The following CYSLTR2 variants were observed in gnomAD, a reference collection of about 807,000 sequenced individuals.
The protein encoded by CYSLTR2 is G-protein coupled receptor GPCR21.
For synonymous variants in CYSLTR2, 179 were observed against 160.8 expected (o/e 1.11, Z -0.86); for missense variants, 398 against 411.9 (o/e 0.97, Z 0.29).
Position 48,707,580 on chromosome 13 carries a change from ATCT to A in CYSLTR2, c.771_773del (p.Phe257del), listed in dbSNP as rs774050943. The A allele has an allele frequency of 1.2e-5, 19 of 1,609,580 alleles. No individual in the cohort carries two copies. In the Middle Eastern group the frequency reaches 6.6e-4, roughly 56 times the overall value. ...GACCACCATCATCATCACCTTGATCATCTTCTTCTTGTGTTTCCTGCCCTATCA... is the reference window on the plus strand; with the variant it reads ...GACCACCATCATCATCACCTTGATCATCTTCTTGTGTTTCCTGCCCTATCA... On this transcript the variant is annotated inframe_deletion, in exon 5 of 5. Coordinates refer to ENST00000682523, the MANE Select transcript of CYSLTR2 (RefSeq NM_001308476.3).
chr13:48,663,176 T>C (rs1953173151), intron 1 of CYSLTR2, among the ~76,000 whole-genome samples: 1 of 150,992 alleles, frequency 6.6e-6, no homozygotes, highest in Admixed American at 6.6e-5. Context: ...AATTTCTGGA[T>C]TCTCTATTCT....
chr13:48,670,952 C>A (rs1336080002), intron 1 of CYSLTR2, among the ~76,000 whole-genome samples: 11 of 152,032 alleles, frequency 7.2e-5, no homozygotes, highest in Non-Finnish European at 1.6e-4. Flanking sequence ...CTCTTATTTC[C>A]TTGAGCAGTG....
intron 1 of CYSLTR2, among the ~76,000 whole-genome samples, chr13:48,676,964 G>A (rs753253302): frequency 6.6e-6 from 1 of 152,200 alleles, no homozygotes; most frequent in Admixed American, 6.6e-5. Context: ...ACAGTGCAAA[G>A]TTTCCATGGT....
At chr13:48,704,713 A>G (rs1041502036) in intron 4 of CYSLTR2, among the ~76,000 whole-genome samples, 56 of 152,112 alleles carry the variant, frequency 3.7e-4, no homozygotes, top group African/African-American at 1.3e-3. Context: ...TGGATTATTC[A>G]GAAGTGTGTT....
At chr13:48,663,697 G>T (rs541548545) in intron 1 of CYSLTR2, among the ~76,000 whole-genome samples, 4 of 152,038 alleles carry the variant, frequency 2.6e-5, no homozygotes, top group African/African-American at 9.6e-5. Context: ...TTTGTTTCCT[G>T]CAACTTTATT....
In CYSLTR2 at chr13:48,671,590, C is replaced by T. The variant is rs113336960; in HGVS notation, c.-266+17573C>T. On this transcript the variant is annotated intron_variant, in intron 1 of 4. Coordinates refer to ENST00000682523, the MANE Select transcript of CYSLTR2 (RefSeq NM_001308476.3). The stretch of plus-strand genomic sequence containing the variant: ...GTGATGAATTATGTTTATTGATTTG[C>T]GTATGTTGAACCAGCCTTGCATTCC... Among the ~76,000 whole-genome samples, 996 of 152,192 alleles carry T rather than the reference C, an allele frequency of 6.5e-3. 13 individuals are homozygous for T. The highest frequency in any genetic ancestry group is 0.021 in the African/African-American group (872 of 41,524).
chr13:48,688,277 T>A (rs796320593), intron 1 of CYSLTR2, among the ~76,000 whole-genome samples: 30 of 152,252 alleles, frequency 2.0e-4, no homozygotes, highest in Admixed American at 5.9e-4. Context: ...TCTTTTTTTT[T>A]AATTATACTT....
chr13:48,693,110 T>A (rs1346305896), intron 2 of CYSLTR2, among the ~76,000 whole-genome samples: 2 of 151,616 alleles, frequency 1.3e-5, no homozygotes, highest in African/African-American at 4.8e-5. Flanking sequence ...TAATACAATT[T>A]TATATATATT....
At chr13:48,681,580 C>T (rs77031935) in intron 1 of CYSLTR2, among the ~76,000 whole-genome samples, 24,687 of 152,146 alleles carry the variant, frequency 0.16, 2,128 homozygotes, top group Middle Eastern at 0.29. Context: ...TACCTGCTCC[C>T]CTCAAATCCA....
chr13:48,707,837 G>A lies in CYSLTR2; in HGVS notation c.1020G>A (p.Leu340=). The part of the protein sequence containing the change: ...TKCVFPVSVW[L]RKETRV ...GTGTTTTCCCTGTTAGTGTGTGGTT[G>A]AGAAAGGAAACAAGAGTATAAGGAG... is the stretch of plus-strand genomic sequence containing the variant. The change falls in exon 5 of 5, where the codon TTG becomes TTA. Residue 340 remains leucine (L), a synonymous_variant. Coordinates refer to ENST00000682523, the MANE Select transcript of CYSLTR2 (RefSeq NM_001308476.3). 6.5e-7 allele frequency: 1 copy of A among 1,527,072 alleles called. No individual in the cohort carries two copies. Among genetic ancestry groups the A allele is most frequent in the Non-Finnish European group, 8.8e-7 (1 of 1,139,492 alleles). The allele number at this position is 1,527,072 out of a possible 1,614,324, so 94.6% of individuals were successfully genotyped here.
At chr13:48,656,901 G>T (rs1200670101) in intron 1 of CYSLTR2, among the ~76,000 whole-genome samples, 2 of 152,172 alleles carry the variant, frequency 1.3e-5, no homozygotes, top group Non-Finnish European at 2.9e-5. Flanking sequence ...GGTGCTCAGC[G>T]TTGCTAGAGA....
intron 1 of CYSLTR2, among the ~76,000 whole-genome samples, chr13:48,654,646 G>C (rs555319652): frequency 3.6e-4 from 55 of 152,168 alleles, no homozygotes; most frequent in Non-Finnish European, 7.1e-4. Flanking sequence ...CAATGAGAAT[G>C]AAAGAGTATG....
chr13:48,661,118 T>A lies in CYSLTR2; in HGVS notation c.-266+7101T>A, dbSNP rs141224717. On this transcript the variant is annotated intron_variant, in intron 1 of 4. Transcript: ENST00000682523. ...ATTTATTTAAATTAATCTTTTTTTT[T>A]AATTTTTCTTTTTTATTGAGACAGT... 3.0e-3 allele frequency among the ~76,000 whole-genome samples: 457 copies of A among 152,174 alleles called. 3 individuals carry two copies. Among genetic ancestry groups the A allele is most frequent in the African/African-American group, 9.8e-3 (408 of 41,534 alleles).
At chr13:48,706,645 A>C (rs1954495777) in intron 4 of CYSLTR2, 172 bp from the exon 5 acceptor site, 1 of 567,254 alleles carries the variant, frequency 1.8e-6, no homozygotes, top group Non-Finnish European at 3.1e-6. Context: ...TTATTATGAA[A>C]TGTAATGCAG....
chr13:48,674,407 G>A (rs983958331), intron 1 of CYSLTR2, among the ~76,000 whole-genome samples: 16 of 151,894 alleles, frequency 1.1e-4, no homozygotes, highest in Admixed American at 7.9e-4. Flanking sequence ...CCATTTGATC[G>A]ATTCTGCTAT....
intron 1 of CYSLTR2, among the ~76,000 whole-genome samples, chr13:48,668,948 T>C (rs1953344111): frequency 6.6e-6 from 1 of 152,218 alleles, no homozygotes; most frequent in South Asian, 2.1e-4. Flanking sequence ...CTCATTCTTT[T>C]TTATGGCTGC....
intron 1 of CYSLTR2, among the ~76,000 whole-genome samples, chr13:48,680,797 TTTC>T (rs568000051): frequency 0.028 from 1,965 of 69,878 alleles, 36 homozygotes; most frequent in African/African-American, 0.091. Context: ...TTTCTTTTCT[TTTC>T]TTTTTTTTTT....
intron 1 of CYSLTR2, among the ~76,000 whole-genome samples, chr13:48,660,177 G>A (rs1056652211): frequency 2.6e-5 from 4 of 152,156 alleles, no homozygotes; most frequent in Non-Finnish European, 5.9e-5. Flanking sequence ...ACAGAGGTGG[G>A]AAGAAGGAGG....
At chr13:48,700,857 TAATAA>T (rs1278890989) in intron 4 of CYSLTR2, among the ~76,000 whole-genome samples, 6 of 152,260 alleles carry the variant, frequency 3.9e-5, no homozygotes, top group South Asian at 2.1e-4. Context: ...TCCTATATGC[TAATAA>T]CAGACAAACA....
Sources: gnomAD v4.1 joint callset for allele counts (sites outside exome capture counted in the v4.1 genomes callset) on GRCh38, gnomAD v4.1.1 for gene constraint, MANE v1.5 for transcripts, NCBI Gene and HGNC (gene_info 2026-07-23, HGNC 2026-07-21) for gene names.